Variants in ATP11B observed in about 807,000 individuals in gnomAD.
ATP11B encodes the protein ATPase phospholipid transporting 11B (putative).
A neutral mutation model predicts 157.8 loss-of-function variants in ATP11B; 81 were observed. That is an observed-to-expected ratio of 0.51 (90% confidence interval 0.43 to 0.62). The LOEUF (loss-of-function observed/expected upper bound fraction) is 0.62, where lower values mean the gene tolerates loss of function less well. Ranked by LOEUF, ATP11B falls within the 20% of genes least tolerant of loss-of-function variation. ATP11B has a pLI of 0.00. For synonymous variants in ATP11B, 451 were observed against 469.4 expected (o/e 0.96, Z 0.51); for missense variants, 1,165 against 1,402.2 (o/e 0.83, Z 2.70).
chr3:182,807,690 A>G (rs1259152439), intron 1 of ATP11B, among the ~76,000 whole-genome samples: 1 of 152,180 alleles, frequency 6.6e-6, no homozygotes, highest in Non-Finnish European at 1.5e-5. Context: ...TTTTAAATCT[A>G]TTAAGGTTAT....
At position 182,845,470 on chromosome 3, in the gene ATP11B, G is replaced by T; in HGVS notation, c.717G>T (p.Pro239=). The change falls in exon 9 of 30, where the codon CCG becomes CCT. Residue 239 remains proline (P), a synonymous_variant. Coordinates refer to ENST00000323116, the MANE Select transcript of ATP11B (RefSeq NM_014616.3). ...QMEEIVRPLG[P]ESLLLRGARL... The stretch of plus-strand genomic sequence containing the variant: ...CTTTTTTTCCTAGACCTCTGGGGCC[G>T]GAGAGTCTCCTGCTTCGTGGAGCCA... 1 of 1,598,840 alleles carries T rather than the reference G, an allele frequency of 6.3e-7. No individual in the cohort carries two copies. Among genetic ancestry groups the T allele is most frequent in the East Asian group, 2.3e-5 (1 of 44,190 alleles).
At chr3:182,850,942 G>C (rs1226607324) in intron 10 of ATP11B, among the ~76,000 whole-genome samples, 1 of 152,092 alleles carries the variant, frequency 6.6e-6, no homozygotes, top group Non-Finnish European at 1.5e-5. Flanking sequence ...GAATGAAATC[G>C]TGTCATTAGC....
chr3:182,821,367 A>G (rs748757371), intron 2 of ATP11B, among the ~76,000 whole-genome samples: 11 of 152,248 alleles, frequency 7.2e-5, no homozygotes, highest in Non-Finnish European at 1.5e-4. Context: ...TCGGCCTCCC[A>G]AAGTGCTGGG....
intron 25 of ATP11B, among the ~76,000 whole-genome samples, chr3:182,890,973 C>T (rs898207954): frequency 1.3e-5 from 2 of 152,132 alleles, no homozygotes; most frequent in African/African-American, 4.8e-5. Context: ...ACCAACATGG[C>T]ACATGTATAC....
intron 4 of ATP11B, among the ~76,000 whole-genome samples, chr3:182,833,123 T>A (rs1342328481): frequency 1.3e-5 from 2 of 152,110 alleles, no homozygotes; most frequent in Non-Finnish European, 2.9e-5. Context: ...AAGCTGAATA[T>A]ACATAACTAC....
At chr3:182,805,237 C>T (rs1055971163) in intron 1 of ATP11B, among the ~76,000 whole-genome samples, 5 of 152,142 alleles carry the variant, frequency 3.3e-5, no homozygotes, top group African/African-American at 1.2e-4. Flanking sequence ...TTTTACATTC[C>T]CACTAGCAAT....
chr3:182,849,092 G>GT (rs1719762209), intron 10 of ATP11B, among the ~76,000 whole-genome samples: 1 of 152,138 alleles, frequency 6.6e-6, no homozygotes. Flanking sequence ...TAATGTAAGG[G>GT]GATTAGCATT....
intron 28 of ATP11B, chr3:182,908,388 G>C (rs1577114652): frequency 6.6e-6 from 1 of 151,568 alleles, no homozygotes; most frequent in East Asian, 1.9e-4. Flanking sequence ...TAGAGACAGG[G>C]TTTCGCGTTG....
intron 10 of ATP11B, among the ~76,000 whole-genome samples, chr3:182,855,001 G>A (rs948731842): frequency 2.0e-5 from 3 of 152,146 alleles, no homozygotes; most frequent in Non-Finnish European, 2.9e-5. Context: ...TTCCCAAATC[G>A]ATTAATAGGT....
chr3:182,808,998 T>C (rs1212364255), intron 1 of ATP11B, among the ~76,000 whole-genome samples: 3 of 152,034 alleles, frequency 2.0e-5, no homozygotes, highest in Admixed American at 6.5e-5. Context: ...CTTTCTTTTT[T>C]ATTAATATTC....
At chr3:182,892,478 T>C (rs965075833) in intron 25 of ATP11B, among the ~76,000 whole-genome samples, 5 of 152,178 alleles carry the variant, frequency 3.3e-5, no homozygotes, top group African/African-American at 1.2e-4. Flanking sequence ...ATGAAGTCAT[T>C]GCAAACCAAG....
intron 25 of ATP11B, 96 bp downstream of exon 25, chr3:182,889,644 C>G: frequency 9.2e-7 from 1 of 1,091,038 alleles, no homozygotes; most frequent in Non-Finnish European, 1.3e-6. Flanking sequence ...AATTACAGAA[C>G]TTCAAGTATT....
intron 1 of ATP11B, among the ~76,000 whole-genome samples, 195 bp downstream of exon 1, chr3:182,793,981 C>T (rs1715422174): frequency 6.6e-6 from 1 of 151,956 alleles, no homozygotes; most frequent in Admixed American, 6.6e-5. Context: ...CGCCTCCAAG[C>T]CCGGGCCGCC....
At position 182,812,098 on chromosome 3, in the gene ATP11B, T is replaced by C. The variant is rs560229130; in HGVS notation, c.28-8162T>C. On this transcript the variant is annotated intron_variant, in intron 1 of 29. Coordinates refer to ENST00000323116, the MANE Select transcript of ATP11B (RefSeq NM_014616.3). ...TTCACCCAGGACATCTTTTTTTACT[T>C]CAATACATTTTTTAATGTTGTTTAG... Among the ~76,000 whole-genome samples the C allele has an allele frequency of 2.6e-5, 4 of 152,354 alleles. No homozygotes were observed. The South Asian group carries it at 6.2e-4, about 24-fold the overall frequency.
At chr3:182,861,194 T>G (rs1720808209) in intron 12 of ATP11B, among the ~76,000 whole-genome samples, 1 of 151,448 alleles carries the variant, frequency 6.6e-6, no homozygotes, top group Non-Finnish European at 1.5e-5. Flanking sequence ...GCCTCCCGAG[T>G]AGCTGGGATT....
intron 24 of ATP11B, among the ~76,000 whole-genome samples, chr3:182,888,543 C>A (rs1030487650): frequency 2.0e-5 from 3 of 152,096 alleles, no homozygotes; most frequent in East Asian, 1.9e-4. Flanking sequence ...TTTTTTGAGA[C>A]AGGATCTTGC....
chr3:182,843,469 T>C (rs1238799952), intron 8 of ATP11B: 1 of 152,232 alleles, frequency 6.6e-6, no homozygotes, highest in Non-Finnish European at 1.5e-5. Flanking sequence ...AGTGCTATGC[T>C]CTTCTTCACT....
intron 29 of ATP11B, chr3:182,916,340 AAAGTC>A: frequency 1.0e-6 from 1 of 985,360 alleles, no homozygotes; most frequent in South Asian, 4.7e-5. Context: ...TTGACATAGT[AAAGTC>A]AAGAGTAATG....
At chr3:182,800,182 G>A (rs1173530165) in intron 1 of ATP11B, among the ~76,000 whole-genome samples, 1 of 151,984 alleles carries the variant, frequency 6.6e-6, no homozygotes, top group East Asian at 1.9e-4. Context: ...GAAATACTAT[G>A]AGACTTATTT....
Sources: gnomAD v4.1 joint callset for allele counts (sites outside exome capture counted in the v4.1 genomes callset) on GRCh38, gnomAD v4.1.1 for gene constraint, MANE v1.5 for transcripts, NCBI Gene and HGNC (gene_info 2026-07-23, HGNC 2026-07-21) for gene names.